Variants in PPP2R2B observed in about 807,000 individuals in gnomAD.
PPP2R2B encodes the protein serine/threonine-protein phosphatase 2A 55 kDa regulatory subunit B beta isoform.
PPP2R2B carries 5 observed loss-of-function variants against 46.0 expected under a neutral mutation model. The ratio of observed to expected loss-of-function variants is 0.11; its 90% CI spans 0.06 to 0.23. The LOEUF (loss-of-function observed/expected upper bound fraction) is 0.23. Ranked by LOEUF, PPP2R2B falls within the 10% of genes least tolerant of loss-of-function variation. The probability of loss-of-function intolerance (pLI) is 1.00; values close to 1 mark genes in which losing one functional copy is unlikely to be tolerated. For missense variants in PPP2R2B, 367 were observed against 575.0 expected, an observed-to-expected ratio of 0.64 and a Z score of 3.70; for synonymous variants, 215 against 206.7, an observed-to-expected ratio of 1.04 and a Z score of -0.34.
At chr5:147,071,372 G>A (rs1757591446) in intron 2 of PPP2R2B, among the ~76,000 whole-genome samples, 1 of 152,210 alleles carries the variant, frequency 6.6e-6, no homozygotes, top group Admixed American at 6.5e-5. Flanking sequence ...GCTGCTGCTA[G>A]AAAGAGCGTT....
At chr5:146,835,099 A>G (rs1001863081) in intron 2 of PPP2R2B, among the ~76,000 whole-genome samples, 1 of 152,106 alleles carries the variant, frequency 6.6e-6, no homozygotes, top group Non-Finnish European at 1.5e-5. Context: ...AGGTGCATGG[A>G]TTGTGTGTTA....
chr5:146,801,359 A>C (rs1477494025), intron 2 of PPP2R2B, among the ~76,000 whole-genome samples: 1 of 152,222 alleles, frequency 6.6e-6, no homozygotes, highest in Non-Finnish European at 1.5e-5. Flanking sequence ...AGAGGCAACT[A>C]TGTGAGGTGA....
At chr5:146,930,416 C>G (rs1763930161) in intron 1 of PPP2R2B, among the ~76,000 whole-genome samples, 2 of 152,080 alleles carry the variant, frequency 1.3e-5, no homozygotes, top group Admixed American at 1.3e-4. Flanking sequence ...CCCTCTGGGT[C>G]TTTATTTGTG....
chr5:146,738,337 A>G (rs972987987), intron 2 of PPP2R2B, among the ~76,000 whole-genome samples: 3 of 146,876 alleles, frequency 2.0e-5, no homozygotes, highest in African/African-American at 7.7e-5. Flanking sequence ...CGGAGCTTGC[A>G]GTGAGCCGAG....
intron 2 of PPP2R2B, among the ~76,000 whole-genome samples, chr5:146,759,335 C>T (rs1269057709): frequency 6.6e-6 from 1 of 152,194 alleles, no homozygotes; most frequent in East Asian, 1.9e-4. Flanking sequence ...CCCTCTACCT[C>T]ACCTTTTATC....
intron 1 of PPP2R2B, among the ~76,000 whole-genome samples, chr5:146,906,658 G>T (rs1280530110): frequency 6.6e-6 from 1 of 152,082 alleles, no homozygotes; most frequent in Non-Finnish European, 1.5e-5. Flanking sequence ...TAATGATTAT[G>T]CATCATCATA....
intron 1 of PPP2R2B, among the ~76,000 whole-genome samples, chr5:146,936,197 C>T (rs1387062853): frequency 6.6e-6 from 1 of 152,080 alleles, no homozygotes; most frequent in African/African-American, 2.4e-5. Flanking sequence ...GTCTCAGTAT[C>T]TTATCTTTTG....
chr5:147,027,430 C>T (rs747328543), intron 1 of PPP2R2B, among the ~76,000 whole-genome samples: 11 of 152,006 alleles, frequency 7.2e-5, no homozygotes, highest in African/African-American at 9.7e-5. Context: ...GTCAGGAGAT[C>T]GAGACCATCC....
chr5:146,991,381 T>C (rs952012932), intron 1 of PPP2R2B, among the ~76,000 whole-genome samples: 1 of 152,058 alleles, frequency 6.6e-6, no homozygotes, highest in African/African-American at 2.4e-5. Flanking sequence ...GTTGATTTCA[T>C]AGAAGTAGAG....
chr5:146,787,615 T>G (rs1755925360), intron 2 of PPP2R2B, among the ~76,000 whole-genome samples: 1 of 152,106 alleles, frequency 6.6e-6, no homozygotes, highest in South Asian at 2.1e-4. Flanking sequence ...TCACCCAGGC[T>G]GGAGTGCAAT....
At chr5:146,682,746 A>T (rs1199423749) in intron 5 of PPP2R2B, among the ~76,000 whole-genome samples, 1 of 152,204 alleles carries the variant, frequency 6.6e-6, no homozygotes, top group East Asian at 1.9e-4. Flanking sequence ...CCATGACTTG[A>T]CCAGGAGTAA....
At chr5:146,871,775 A>G (rs1204272134) in intron 2 of PPP2R2B, among the ~76,000 whole-genome samples, 1 of 152,206 alleles carries the variant, frequency 6.6e-6, no homozygotes, top group African/African-American at 2.4e-5. Context: ...CCACACAGTC[A>G]TGAGCTCTAA....
intron 2 of PPP2R2B, among the ~76,000 whole-genome samples, chr5:147,077,306 A>ACACACC (rs768095229): frequency 3.5e-5 from 5 of 141,130 alleles, no homozygotes; most frequent in East Asian, 2.0e-4. Context: ...ACACACACAC[A>ACACACC]CACACCCACA....
intron 5 of PPP2R2B, among the ~76,000 whole-genome samples, chr5:146,661,544 G>T (rs902536464): frequency 1.3e-5 from 2 of 152,020 alleles, no homozygotes; most frequent in African/African-American, 4.8e-5. Context: ...ATGGCCAGCT[G>T]TAAGAATAAT....
chr5:146,973,001 T>C (rs935016168), intron 1 of PPP2R2B, among the ~76,000 whole-genome samples: 3 of 152,208 alleles, frequency 2.0e-5, no homozygotes, highest in Non-Finnish European at 4.4e-5. Flanking sequence ...TAAAATGTAT[T>C]AGTTTCTCTT....
intron 2 of PPP2R2B, among the ~76,000 whole-genome samples, chr5:146,829,888 C>G (rs1561940802): frequency 6.6e-6 from 1 of 152,116 alleles, no homozygotes; most frequent in Non-Finnish European, 1.5e-5. Context: ...TCTAGAGTCA[C>G]ACTCATTGTG....
chr5:146,664,452 T>C (rs1054377411), intron 5 of PPP2R2B, among the ~76,000 whole-genome samples: 4 of 152,114 alleles, frequency 2.6e-5, no homozygotes, highest in Admixed American at 6.6e-5. Flanking sequence ...ATTCCTCATC[T>C]GTTAAAATTT....
rs6149281 is a variant in PPP2R2B at position 146,585,259 on chromosome 5, T to TACACACACACACACACACACAC, written c.*4666_*4687dup. On this transcript the variant is annotated 3_prime_UTR_variant, in exon 10 of 10. Coordinates refer to ENST00000394411, the MANE Select transcript of PPP2R2B (RefSeq NM_181675.4). ...GATCAGTAACTTCCATCTACATGCA[T>TACACACACACACACACACACAC]ACACACACACACACACACACACACA... is the stretch of plus-strand genomic sequence containing the variant. The TACACACACACACACACACACAC allele has an allele frequency of 3.1e-5, 4 of 129,952 alleles. No homozygotes were observed. The Admixed American group carries it at 3.1e-4, about 10-fold the overall frequency. 8.0% of individuals were successfully genotyped at this position (129,952 alleles called of 1,614,324 possible).
intron 2 of PPP2R2B, among the ~76,000 whole-genome samples, chr5:146,824,170 T>C (rs910605954): frequency 6.6e-6 from 1 of 152,200 alleles, no homozygotes; most frequent in African/African-American, 2.4e-5. Flanking sequence ...GCAACATAAT[T>C]TACTGAAGAG....
Sources: gnomAD v4.1 joint callset for allele counts (sites outside exome capture counted in the v4.1 genomes callset) on GRCh38, gnomAD v4.1.1 for gene constraint, MANE v1.5 for transcripts, NCBI Gene and HGNC (gene_info 2026-07-23, HGNC 2026-07-21) for gene names.